Variants in MARCHF1 observed in about 807,000 individuals in gnomAD.
MARCHF1 encodes membrane associated ring-CH-type finger 1.
A neutral mutation model predicts 54.2 loss-of-function variants in MARCHF1; 40 were observed. The observed-to-expected ratio is 0.74, with a 90% CI of 0.57 to 0.96. The LOEUF is 0.96. Ranked by LOEUF, MARCHF1 falls within the 40% of genes least tolerant of loss-of-function variation. MARCHF1 has a pLI of 0.00. For missense variants in MARCHF1, 586 were observed against 656.5 expected, an observed-to-expected ratio of 0.89 and a Z score of 1.17; for synonymous variants, 236 against 236.3, an observed-to-expected ratio of 1.00 and a Z score of 0.01.
At chr4:163,911,590 T>C (rs556692756) in intron 3 of MARCHF1, among the ~76,000 whole-genome samples, 2 of 152,264 alleles carry the variant, frequency 1.3e-5, no homozygotes, top group East Asian at 1.9e-4. Flanking sequence ...AAAATAAGCA[T>C]GTTATGGGCT....
intron 1 of MARCHF1, among the ~76,000 whole-genome samples, chr4:164,158,609 C>A (rs914903680): frequency 3.3e-5 from 5 of 151,914 alleles, no homozygotes; most frequent in African/African-American, 1.2e-4. Flanking sequence ...CCACTGCACT[C>A]CAGGCTGGGT....
At chr4:164,116,172 C>G (rs1433694293) in intron 1 of MARCHF1, among the ~76,000 whole-genome samples, 1 of 152,030 alleles carries the variant, frequency 6.6e-6, no homozygotes, top group Non-Finnish European at 1.5e-5. Context: ...AATCTCAAAA[C>G]TGTCATGCAA....
chr4:163,675,962 T>C lies in MARCHF1; in HGVS notation c.162+24851A>G, dbSNP rs542443905. On this transcript the variant is annotated intron_variant, in intron 5 of 9. Transcript: ENST00000514618. ...ACAAAGATGCCTATTTTTCCCAATATTTCTCTGTGCCAACATTTTGTTTTT... is the reference window on the plus strand; with the variant it reads ...ACAAAGATGCCTATTTTTCCCAATACTTCTCTGTGCCAACATTTTGTTTTT... 4.6e-5 allele frequency among the ~76,000 whole-genome samples: 7 copies of C among 152,280 alleles called. No homozygotes were observed. In the South Asian group the frequency reaches 1.5e-3, roughly 32 times the overall value.
chr4:164,101,102 G>A (rs946917089), intron 2 of MARCHF1, among the ~76,000 whole-genome samples: 16 of 152,216 alleles, frequency 1.1e-4, no homozygotes, highest in Admixed American at 2.0e-4. Flanking sequence ...CACCTGGCTC[G>A]GAGGGTCCTA....
chr4:164,023,503 G>T (rs1368535948), intron 2 of MARCHF1, among the ~76,000 whole-genome samples: 1 of 152,138 alleles, frequency 6.6e-6, no homozygotes, highest in Non-Finnish European at 1.5e-5. Context: ...GACACAAAGA[G>T]CAAGAATCTA....
In MARCHF1 at chr4:163,700,877, T is replaced by C. The variant is rs575594325; in HGVS notation, c.112-14A>G. On this transcript the variant is annotated splice_polypyrimidine_tract_variant and intron_variant, in intron 4 of 9. Transcript: ENST00000514618. ...GGATTTTTCATTCTGAAAAATAAAA[T>C]GGGAAACATTAATTAAAAGAAGGTA... 1.2e-3 allele frequency: 1,903 copies of C among 1,527,348 alleles called. 37 individuals are homozygous for C. The South Asian group carries it at 0.021, about 17-fold the overall frequency. 94.6% of individuals were successfully genotyped at this position (1,527,348 alleles called of 1,614,324 possible).
chr4:164,066,434 T>C (rs1347253335), intron 2 of MARCHF1, among the ~76,000 whole-genome samples: 1 of 152,212 alleles, frequency 6.6e-6, no homozygotes. Flanking sequence ...GTAAATTAGT[T>C]CAGCCATTGT....
intron 4 of MARCHF1, among the ~76,000 whole-genome samples, chr4:163,812,294 A>G (rs919752788): frequency 6.6e-6 from 1 of 150,920 alleles, no homozygotes; most frequent in Non-Finnish European, 1.5e-5. Context: ...TATTATATAT[A>G]TAATACATCT....
At chr4:163,565,865 G>C (rs1739628640) in intron 8 of MARCHF1, among the ~76,000 whole-genome samples, 1 of 152,060 alleles carries the variant, frequency 6.6e-6, no homozygotes, top group Non-Finnish European at 1.5e-5. Flanking sequence ...GCATAAATAA[G>C]GATTACCACA....
chr4:163,932,774 G>T, intron 3 of MARCHF1: 1 of 579,114 alleles, frequency 1.7e-6, no homozygotes, highest in Non-Finnish European at 3.4e-6. Context: ...AGGAGAAAGT[G>T]GAGTCTGAGC....
chr4:163,596,756 T>A (rs1740785713), intron 7 of MARCHF1, among the ~76,000 whole-genome samples: 2 of 152,178 alleles, frequency 1.3e-5, no homozygotes, highest in Admixed American at 6.5e-5. Flanking sequence ...CAATGAATAA[T>A]CATATTTAAA....
intron 4 of MARCHF1, among the ~76,000 whole-genome samples, chr4:163,850,912 T>C (rs949043023): frequency 6.6e-6 from 1 of 152,142 alleles, no homozygotes; most frequent in African/African-American, 2.4e-5. Flanking sequence ...CCAGGACTTA[T>C]TGAGCAAAAT....
At chr4:163,683,261 C>T (rs1390565656) in intron 5 of MARCHF1, among the ~76,000 whole-genome samples, 5 of 152,182 alleles carry the variant, frequency 3.3e-5, no homozygotes, top group East Asian at 3.9e-4. Context: ...GTAAAAGGCA[C>T]ATCTCACATG....
intron 7 of MARCHF1, among the ~76,000 whole-genome samples, chr4:163,598,935 T>C (rs867306571): frequency 5.3e-5 from 8 of 152,244 alleles, no homozygotes; most frequent in African/African-American, 1.9e-4. Context: ...AGAAATAAAT[T>C]GTTCGGCTGT....
intron 4 of MARCHF1, among the ~76,000 whole-genome samples, chr4:163,793,244 A>C (rs903925670): frequency 1.3e-5 from 2 of 152,322 alleles, no homozygotes; most frequent in African/African-American, 4.8e-5. Context: ...TATTCTCTCT[A>C]GTTAGGTAGT....
chr4:164,238,046 T>C (rs1732616255), intron 1 of MARCHF1, among the ~76,000 whole-genome samples: 1 of 152,056 alleles, frequency 6.6e-6, no homozygotes, highest in Non-Finnish European at 1.5e-5. Flanking sequence ...AATTCAATGA[T>C]TCTGGAAAAC....
intron 8 of MARCHF1, among the ~76,000 whole-genome samples, chr4:163,548,317 A>T (rs1224567590): frequency 1.3e-5 from 2 of 152,252 alleles, no homozygotes; most frequent in Non-Finnish European, 2.9e-5. Context: ...GAATACTTGC[A>T]GTAACGAAAT....
intron 4 of MARCHF1, among the ~76,000 whole-genome samples, chr4:163,744,166 G>T (rs1746290045): frequency 6.6e-6 from 1 of 152,186 alleles, no homozygotes; most frequent in Non-Finnish European, 1.5e-5. Flanking sequence ...TTATTACTGT[G>T]TGCATTTATT....
intron 2 of MARCHF1, among the ~76,000 whole-genome samples, chr4:164,044,457 A>G (rs1754197951): frequency 6.6e-6 from 1 of 152,130 alleles, no homozygotes; most frequent in Non-Finnish European, 1.5e-5. Context: ...CTCACCCACT[A>G]TCATGAGATC....
Sources: allele counts gnomAD v4.1 joint callset (sites outside exome capture counted in the v4.1 genomes callset), GRCh38; gene constraint gnomAD v4.1.1; transcripts MANE v1.5; gene names NCBI Gene and HGNC (gene_info 2026-07-23, HGNC 2026-07-21).